SLC25A21: variants seen among roughly 807,000 people sequenced by gnomAD.
SLC25A21 encodes the protein solute carrier family 25 member 21.
A neutral mutation model predicts 43.8 loss-of-function variants in SLC25A21; 47 were observed. That is an observed-to-expected ratio of 1.07 (90% CI 0.85 to 1.37). The LOEUF (loss-of-function observed/expected upper bound fraction) is 1.37. Among genes scored for constraint, SLC25A21 ranks in the 40% most tolerant of loss-of-function variants. SLC25A21 has a pLI of 0.00. For missense variants in SLC25A21, 352 were observed against 350.2 expected (o/e 1.00, Z -0.04); for synonymous variants, 131 against 121.3 (o/e 1.08, Z -0.52).
At chr14:36,915,061 A>G (rs1417577095) in intron 1 of SLC25A21, among the ~76,000 whole-genome samples, 1 of 152,114 alleles carries the variant, frequency 6.6e-6, no homozygotes, top group East Asian at 1.9e-4. Context: ...ACAATGATGC[A>G]AGCTAACTAT....
At chr14:36,825,531 T>G (rs1265479139) in intron 2 of SLC25A21, among the ~76,000 whole-genome samples, 7 of 152,154 alleles carry the variant, frequency 4.6e-5, no homozygotes, top group Non-Finnish European at 8.8e-5. Flanking sequence ...TAAAACCAAC[T>G]CATATGTTTG....
intron 1 of SLC25A21, among the ~76,000 whole-genome samples, chr14:36,875,917 T>C (rs1452357246): frequency 1.3e-5 from 2 of 152,220 alleles, no homozygotes. Context: ...ATAGTAGTCA[T>C]CATTATGGTA....
At chr14:36,945,386 CAG>C (rs548150990) in intron 1 of SLC25A21, among the ~76,000 whole-genome samples, 1 of 152,142 alleles carries the variant, frequency 6.6e-6, no homozygotes, top group Non-Finnish European at 1.5e-5. Context: ...GAACTGAAAG[CAG>C]AGACTTGAAG....
intron 1 of SLC25A21, among the ~76,000 whole-genome samples, chr14:36,875,860 T>C (rs938256784): frequency 6.6e-6 from 1 of 152,170 alleles, no homozygotes; most frequent in Non-Finnish European, 1.5e-5. Context: ...CATGTAACAA[T>C]AGGAGTAGTA....
intron 1 of SLC25A21, among the ~76,000 whole-genome samples, chr14:36,939,088 G>A (rs1323448116): frequency 5.3e-5 from 8 of 152,170 alleles, no homozygotes; most frequent in African/African-American, 1.9e-4. Flanking sequence ...CATGTCTCTG[G>A]TGCAGAGTTG....
chr14:36,912,730 TC>T (rs1891727308), intron 1 of SLC25A21, among the ~76,000 whole-genome samples: 1 of 152,210 alleles, frequency 6.6e-6, no homozygotes, highest in African/African-American at 2.4e-5. Context: ...TAAGCCTCTG[TC>T]TGGGTAAGTC....
chr14:37,063,229 G>A (rs941553628), intron 1 of SLC25A21, among the ~76,000 whole-genome samples: 1 of 152,130 alleles, frequency 6.6e-6, no homozygotes, highest in Non-Finnish European at 1.5e-5. Context: ...TCCAGGTGAG[G>A]TGGCTCACAC....
At chr14:36,756,951 T>G (rs1299813509) in intron 3 of SLC25A21, among the ~76,000 whole-genome samples, 1 of 152,114 alleles carries the variant, frequency 6.6e-6, no homozygotes, top group Non-Finnish European at 1.5e-5. Context: ...AATACTTTTG[T>G]AAAATACATT....
At chr14:36,869,933 G>A (rs537520109) in intron 2 of SLC25A21, among the ~76,000 whole-genome samples, 1 of 152,288 alleles carries the variant, frequency 6.6e-6, no homozygotes, top group East Asian at 1.9e-4. Flanking sequence ...TCTGCTAAGA[G>A]TTTGACAATG....
At chr14:37,076,592 G>A (rs766738920) in intron 1 of SLC25A21, among the ~76,000 whole-genome samples, 2 of 152,028 alleles carry the variant, frequency 1.3e-5, no homozygotes, top group Admixed American at 1.3e-4. Flanking sequence ...AGGTTCAAGC[G>A]ATTCTCCTGC....
intron 6 of SLC25A21, among the ~76,000 whole-genome samples, chr14:36,724,143 T>A (rs1440955733): frequency 6.6e-6 from 1 of 152,214 alleles, no homozygotes; most frequent in African/African-American, 2.4e-5. Flanking sequence ...AAACGAAAAC[T>A]AGAATACAGA....
intron 2 of SLC25A21, among the ~76,000 whole-genome samples, chr14:36,858,517 A>G (rs189987719): frequency 2.6e-5 from 4 of 152,322 alleles, no homozygotes; most frequent in East Asian, 3.9e-4. Context: ...TCTTCTGTCT[A>G]TCGTCTATGA....
At chr14:37,063,691 G>T (rs565766445) in intron 1 of SLC25A21, among the ~76,000 whole-genome samples, 1 of 152,216 alleles carries the variant, frequency 6.6e-6, no homozygotes, top group South Asian at 2.1e-4. Context: ...GTTACAAGAA[G>T]CCAAATTCTG....
chr14:37,104,915 C>T (rs372534611), intron 1 of SLC25A21, among the ~76,000 whole-genome samples: 2 of 152,138 alleles, frequency 1.3e-5, no homozygotes, highest in African/African-American at 4.8e-5. Context: ...TGAAATACAG[C>T]AGATCTGTAT....
intron 1 of SLC25A21, chr14:37,171,886 G>A (rs567461753): frequency 2.0e-4 from 42 of 206,924 alleles, no homozygotes; most frequent in Non-Finnish European, 4.0e-4. Flanking sequence ...AGACCTGAGC[G>A]AGCTTGAAGA....
chr14:36,922,293 C>T (rs1254290717), intron 1 of SLC25A21, among the ~76,000 whole-genome samples: 2 of 151,968 alleles, frequency 1.3e-5, no homozygotes, highest in African/African-American at 2.4e-5. Flanking sequence ...AATGGATAAG[C>T]GGCAGTTCAG....
intron 1 of SLC25A21, among the ~76,000 whole-genome samples, chr14:37,073,428 C>T (rs1316245356): frequency 6.6e-6 from 1 of 152,140 alleles, no homozygotes; most frequent in East Asian, 1.9e-4. Context: ...GTTGTCCAGG[C>T]TGCTCCTGTC....
chr14:37,128,550 G>C lies in SLC25A21; in HGVS notation c.70+43731C>G, dbSNP rs1006016120. Among the ~76,000 whole-genome samples the C allele has an allele frequency of 2.6e-3, 388 of 150,164 alleles. 3 individuals are homozygous for C. The highest frequency in any genetic ancestry group is 6.4e-3 in the African/African-American group (260 of 40,778). On this transcript the variant is annotated intron_variant, in intron 1 of 9. Transcript: ENST00000331299. ...TCTCTCTCTCTCTCTGTGTGTGTGT[G>C]TGTGTGTGTGTGTGTGTGTGTGTGT...
intron 1 of SLC25A21, among the ~76,000 whole-genome samples, chr14:36,928,820 G>C (rs76750160): frequency 2.6e-5 from 4 of 152,074 alleles, no homozygotes; most frequent in African/African-American, 9.7e-5. Context: ...GAAGAAATGT[G>C]AACAGTTTGC....
Sources: allele counts gnomAD v4.1 joint callset (sites outside exome capture counted in the v4.1 genomes callset), GRCh38; gene constraint gnomAD v4.1.1; transcripts MANE v1.5; gene names NCBI Gene and HGNC (gene_info 2026-07-23, HGNC 2026-07-21).